VPS37A: variants seen among roughly 807,000 people sequenced by gnomAD.
VPS37A encodes the protein VPS37A subunit of ESCRT-I.
Under a neutral mutation model 49.8 loss-of-function variants are expected in VPS37A, and 30 were observed. The observed-to-expected ratio is 0.60, with a 90% confidence interval of 0.45 to 0.82. The LOEUF (loss-of-function observed/expected upper bound fraction) is 0.82. Ranked by LOEUF, VPS37A falls within the 40% of genes least tolerant of loss-of-function variation. The pLI, the probability that VPS37A is intolerant of heterozygous loss-of-function variation, is 0.00. For missense variants in VPS37A, 593 were observed against 464.4 expected, an observed-to-expected ratio of 1.28 and a Z score of -2.55; for synonymous variants, 195 against 160.6, an observed-to-expected ratio of 1.21 and a Z score of -1.62.
chr8:17,249,866 CTG>C (rs1186880548), intron 1 of VPS37A, among the ~76,000 whole-genome samples: 2 of 152,142 alleles, frequency 1.3e-5, no homozygotes, highest in African/African-American at 4.8e-5. Context: ...CGAAGGAAAA[CTG>C]TCTGTATTTA....
intron 11 of VPS37A, among the ~76,000 whole-genome samples, chr8:17,288,213 T>C (rs900749463): frequency 2.6e-5 from 4 of 152,166 alleles, no homozygotes; most frequent in Non-Finnish European, 5.9e-5. Context: ...AGTTATTTTA[T>C]AGGAAAATCT....
At chr8:17,271,462 T>G (rs1813983877) in intron 4 of VPS37A, among the ~76,000 whole-genome samples, 2 of 152,054 alleles carry the variant, frequency 1.3e-5, no homozygotes, top group Admixed American at 1.3e-4. Flanking sequence ...AAAAGTTAGC[T>G]GGGCATGGTG....
At chr8:17,291,394 T>A (rs1282054737) in intron 11 of VPS37A, among the ~76,000 whole-genome samples, 1 of 152,088 alleles carries the variant, frequency 6.6e-6, no homozygotes, top group Non-Finnish European at 1.5e-5. Context: ...GTGGTCTATT[T>A]TGTTAATCTT....
intron 1 of VPS37A, among the ~76,000 whole-genome samples, chr8:17,251,023 C>A (rs150355898): frequency 6.6e-4 from 101 of 152,274 alleles, no homozygotes; most frequent in African/African-American, 2.3e-3. Context: ...AGAACTAATT[C>A]TGTTTCTTAT....
At chr8:17,252,406 G>A (rs1484098262) in intron 1 of VPS37A, among the ~76,000 whole-genome samples, 2 of 152,116 alleles carry the variant, frequency 1.3e-5, no homozygotes, top group East Asian at 3.9e-4. Context: ...TCAAACTCCT[G>A]GGCCCAAGCA....
At chr8:17,257,685 A>G (rs1299934305) in intron 1 of VPS37A, among the ~76,000 whole-genome samples, 4 of 152,232 alleles carry the variant, frequency 2.6e-5, no homozygotes, top group East Asian at 3.9e-4. Context: ...TGTCATTGGT[A>G]TTTTGCTAGG....
intron 1 of VPS37A, among the ~76,000 whole-genome samples, chr8:17,256,223 C>T (rs1295098459): frequency 6.7e-6 from 1 of 150,106 alleles, no homozygotes; most frequent in Admixed American, 6.6e-5. Context: ...CCCCTGTCTC[C>T]AAATCCTTGC....
chr8:17,316,711 G>T, the VPS37A span, among the ~76,000 whole-genome samples: 1 of 152,078 alleles, frequency 6.6e-6, no homozygotes, highest in Non-Finnish European at 1.5e-5. Flanking sequence ...CCAGTGTAAC[G>T]ACTATTTACA....
rs764434037 is a variant in VPS37A, at chr8:17,247,221, C to G, written c.-24C>G. The G allele has an allele frequency of 2.8e-5, 44 of 1,563,384 alleles. No individual in the cohort carries two copies. In the African/African-American group the frequency reaches 5.7e-4, roughly 20 times the overall value. On this transcript the variant is annotated 5_prime_UTR_variant, in exon 1 of 12. Coordinates refer to ENST00000324849, the MANE Select transcript of VPS37A (RefSeq NM_152415.3). ...GAAGCAGGCCAGAGCCTTCCAGGGC[C>G]TCCGGCCCGTGGACCCGAGGAGGAT...
intron 5 of VPS37A, among the ~76,000 whole-genome samples, chr8:17,276,020 G>A (rs185722533): frequency 3.9e-5 from 6 of 152,216 alleles, no homozygotes. Flanking sequence ...TGTGACTGAG[G>A]CATGTAACTA....
At chr8:17,283,266 C>G (rs374861667) in intron 9 of VPS37A, among the ~76,000 whole-genome samples, 29 of 152,126 alleles carry the variant, frequency 1.9e-4, no homozygotes, top group African/African-American at 7.0e-4. Flanking sequence ...AGCGATCCTC[C>G]CAATTCATCC....
At chr8:17,259,176 T>G (rs754802125) in intron 1 of VPS37A, among the ~76,000 whole-genome samples, 11 of 152,098 alleles carry the variant, frequency 7.2e-5, no homozygotes, top group Non-Finnish European at 1.3e-4. Flanking sequence ...GGTTGTTTAT[T>G]TGAAGTCTTT....
intron 4 of VPS37A, among the ~76,000 whole-genome samples, chr8:17,271,297 C>T (rs1341871044): frequency 6.6e-6 from 1 of 152,170 alleles, no homozygotes; most frequent in Non-Finnish European, 1.5e-5. Flanking sequence ...CCCAAGATGA[C>T]ACAATTCCTT....
the VPS37A span, chr8:17,311,459 C>A: frequency 6.2e-7 from 1 of 1,611,710 alleles, no homozygotes; most frequent in East Asian, 2.2e-5. Flanking sequence ...AAACAGGGGT[C>A]CATTCCTGGT....
At chr8:17,294,696 C>T (rs779685338) in intron 11 of VPS37A, among the ~76,000 whole-genome samples, 7 of 152,148 alleles carry the variant, frequency 4.6e-5, no homozygotes, top group African/African-American at 7.2e-5. Context: ...GTTCCCTAAC[C>T]CCTTGCACTT....
the VPS37A span, among the ~76,000 whole-genome samples, chr8:17,328,641 GTTGA>G: frequency 6.6e-6 from 1 of 152,086 alleles, no homozygotes; most frequent in Non-Finnish European, 1.5e-5. Flanking sequence ...TAGATGATGG[GTTGA>G]CAGGTGCAGC....
intron 10 of VPS37A, among the ~76,000 whole-genome samples, chr8:17,285,134 G>C (rs965414256): frequency 1.3e-4 from 20 of 152,058 alleles, no homozygotes; most frequent in Non-Finnish European, 2.4e-4. Flanking sequence ...TTACTGAACT[G>C]GAGTTTTGAG....
intron 1 of VPS37A, among the ~76,000 whole-genome samples, chr8:17,256,424 C>A (rs531130662): frequency 2.5e-4 from 38 of 151,026 alleles, no homozygotes; most frequent in African/African-American, 8.3e-4. Context: ...CGCACACCAC[C>A]ACACCCTGTA....
intron 4 of VPS37A, among the ~76,000 whole-genome samples, chr8:17,274,350 C>G (rs899472823): frequency 1.3e-5 from 2 of 152,194 alleles, no homozygotes; most frequent in African/African-American, 4.8e-5. Flanking sequence ...TTAGCCTCTA[C>G]TTGAATAAAT....
Sources: gnomAD v4.1 joint callset for allele counts (sites outside exome capture counted in the v4.1 genomes callset) on GRCh38, gnomAD v4.1.1 for gene constraint, MANE v1.5 for transcripts, NCBI Gene and HGNC (gene_info 2026-07-23, HGNC 2026-07-21) for gene names.